The following ADCY9 variants were observed in gnomAD, a reference collection of about 807,000 sequenced individuals.
ADCY9 encodes adenylate cyclase 9, also known as adenylate cyclase type 9.
Under a neutral mutation model 101.5 loss-of-function variants are expected in ADCY9, and 50 were observed. That is an observed-to-expected ratio of 0.49 (90% CI 0.39 to 0.62). The LOEUF is 0.62. Ranked by LOEUF, ADCY9 falls within the 20% of genes least tolerant of loss-of-function variation. ADCY9 has a pLI of 0.00. For missense variants in ADCY9, 1,662 were observed against 1,800.4 expected, an observed-to-expected ratio of 0.92 and a Z score of 1.39; for synonymous variants, 905 against 769.3, an observed-to-expected ratio of 1.18 and a Z score of -2.92.
intron 2 of ADCY9, among the ~76,000 whole-genome samples, chr16:4,018,557 C>T (rs1052102645): frequency 1.3e-5 from 2 of 152,126 alleles, no homozygotes; most frequent in African/African-American, 2.4e-5. Context: ...GCAGTCATGC[C>T]GCTGCCTTCA....
chr16:4,106,908 TG>T (rs1019486791), intron 2 of ADCY9, among the ~76,000 whole-genome samples: 2 of 152,242 alleles, frequency 1.3e-5, no homozygotes, highest in African/African-American at 4.8e-5. Flanking sequence ...TTGCTCTAAT[TG>T]TTCCTTCTCC....
chr16:4,082,687 T>C (rs1446926648), intron 2 of ADCY9, among the ~76,000 whole-genome samples: 2 of 139,538 alleles, frequency 1.4e-5, no homozygotes, highest in African/African-American at 5.9e-5. Flanking sequence ...CATGCATGCA[T>C]GCACACATAT....
intron 6 of ADCY9, among the ~76,000 whole-genome samples, chr16:3,988,109 G>T (rs1167593000): frequency 6.6e-6 from 1 of 152,076 alleles, no homozygotes; most frequent in Non-Finnish European, 1.5e-5. Context: ...GGAGGAACAC[G>T]AATCCAGAAC....
At chr16:4,011,737 A>G (rs2056405859) in intron 2 of ADCY9, among the ~76,000 whole-genome samples, 1 of 152,162 alleles carries the variant, frequency 6.6e-6, no homozygotes, top group Admixed American at 6.5e-5. Flanking sequence ...GCTGCCTCTC[A>G]GTTTCCTCAT....
At chr16:4,047,431 A>C (rs2056672569) in intron 2 of ADCY9, among the ~76,000 whole-genome samples, 1 of 150,154 alleles carries the variant, frequency 6.7e-6, no homozygotes, top group Non-Finnish European at 1.5e-5. Context: ...TTCTCTAGTT[A>C]AGGGCCTGGG....
chr16:4,083,533 T>C (rs1382346281), intron 2 of ADCY9, among the ~76,000 whole-genome samples: 2 of 152,178 alleles, frequency 1.3e-5, no homozygotes, highest in South Asian at 2.1e-4. Context: ...TGAAAACATA[T>C]GTCCACAGGA....
chr16:3,987,155 CCCCCCTTGGAG>C (rs1034962745), intron 6 of ADCY9, among the ~76,000 whole-genome samples: 1 of 152,230 alleles, frequency 6.6e-6, no homozygotes, highest in African/African-American at 2.4e-5. Flanking sequence ...CTCAGGAGTT[CCCCCCTTGGAG>C]CCCCCAGCCT....
At chr16:4,003,667 C>A (rs1306943986) in intron 3 of ADCY9, among the ~76,000 whole-genome samples, 1 of 150,694 alleles carries the variant, frequency 6.6e-6, no homozygotes, top group African/African-American at 2.4e-5. Flanking sequence ...TGGGCTCAAG[C>A]GATCTTCCTG....
chr16:3,972,453 G>A (rs899331383), intron 10 of ADCY9, among the ~76,000 whole-genome samples: 3 of 151,934 alleles, frequency 2.0e-5, no homozygotes, highest in African/African-American at 7.3e-5. Context: ...GGCTGGTCTC[G>A]AACTCCTGAC....
intron 2 of ADCY9, among the ~76,000 whole-genome samples, chr16:4,074,309 A>C (rs1172066764): frequency 6.6e-6 from 1 of 152,022 alleles, no homozygotes; most frequent in Non-Finnish European, 1.5e-5. Context: ...GACTGATAAA[A>C]AATGTACTTT....
chr16:4,095,396 A>G (rs920611650), intron 2 of ADCY9, among the ~76,000 whole-genome samples: 17 of 119,958 alleles, frequency 1.4e-4, no homozygotes, highest in African/African-American at 4.3e-4. Context: ...TGCACACTCA[A>G]TATAGGGCCA....
chr16:4,002,717 GTTTTC>G (rs2056339425), intron 3 of ADCY9, among the ~76,000 whole-genome samples: 2 of 152,134 alleles, frequency 1.3e-5, no homozygotes, highest in African/African-American at 4.8e-5. Context: ...TCAATTTTGG[GTTTTC>G]TTTTCTTTTC....
downstream of ADCY9, among the ~76,000 whole-genome samples, chr16:3,961,462 C>A (rs9924094): frequency 6.2e-3 from 929 of 149,050 alleles, 11 homozygotes; most frequent in African/African-American, 0.02. Flanking sequence ...AAAAAAAAAA[C>A]CGAACAAAAC....
chr16:3,956,503 T>TTTTTTTTTTTTGGGGGG (rs55792938), intron 5 of ADCY9, among the ~76,000 whole-genome samples: 1 of 69,496 alleles, frequency 1.4e-5, no homozygotes, highest in African/African-American at 4.0e-5. Flanking sequence ...TTTTTTTTTT[T>TTTTTTTTTTTTGGGGGG]GGGGGGGGAT....
chr16:4,036,395 G>A (rs1278130910), intron 2 of ADCY9, among the ~76,000 whole-genome samples: 4 of 151,010 alleles, frequency 2.6e-5, no homozygotes, highest in Non-Finnish European at 5.9e-5. Flanking sequence ...AATGCGCAGT[G>A]ATGAAGTCAG....
intron 6 of ADCY9, chr16:3,983,679 G>A (rs773425878): frequency 9.8e-5 from 53 of 538,842 alleles, no homozygotes; most frequent in South Asian, 2.4e-4. Flanking sequence ...CTGTAATCCC[G>A]ACACTTTGGG....
At chr16:4,112,078 C>T (rs906705639) in intron 2 of ADCY9, among the ~76,000 whole-genome samples, 1 of 152,138 alleles carries the variant, frequency 6.6e-6, no homozygotes, top group African/African-American at 2.4e-5. Context: ...GTACTGCCGC[C>T]CAGCTCCACC....
At chr16:4,084,593 G>T (rs780353296) in intron 2 of ADCY9, among the ~76,000 whole-genome samples, 2 of 152,024 alleles carry the variant, frequency 1.3e-5, no homozygotes, top group African/African-American at 4.8e-5. Flanking sequence ...AAATTAGGTG[G>T]TGCACACCTC....
chr16:3,959,320 C>T (rs1274057845), downstream of ADCY9, among the ~76,000 whole-genome samples: 1 of 150,408 alleles, frequency 6.6e-6, no homozygotes, highest in Admixed American at 6.7e-5. Flanking sequence ...TGTGATTGAG[C>T]CACTGCATTC....
Sources: allele counts gnomAD v4.1 joint callset (sites outside exome capture counted in the v4.1 genomes callset), GRCh38; gene constraint gnomAD v4.1.1; transcripts MANE v1.5; gene names NCBI Gene and HGNC (gene_info 2026-07-23, HGNC 2026-07-21).